The following COL26A1 variants were observed in gnomAD, a reference collection of about 807,000 sequenced individuals.
COL26A1 encodes collagen alpha-1(XXVI) chain.
A neutral mutation model predicts 59.3 loss-of-function variants in COL26A1; 41 were observed. The ratio of observed to expected loss-of-function variants is 0.69; its 90% CI spans 0.54 to 0.90. COL26A1 has a LOEUF of 0.90. Ranked by LOEUF, COL26A1 falls within the 40% of genes least tolerant of loss-of-function variation. The pLI is 0.00. For missense variants in COL26A1, 612 were observed against 602.3 expected, an observed-to-expected ratio of 1.02 and a Z score of -0.17; for synonymous variants, 266 against 256.0, an observed-to-expected ratio of 1.04 and a Z score of -0.37.
At position 101,555,903 on chromosome 7, in the gene COL26A1, ATC is replaced by A. The variant is rs761069102; in HGVS notation, c.1165+39_1165+40del. ...AGTGACCAGGATCAGCGGGCTGGGAATCTCTCTCCCCTCCTTCCTCTCCCAAT... is the reference window on the plus strand; with the variant it reads ...AGTGACCAGGATCAGCGGGCTGGGAATCTCTCCCCTCCTTCCTCTCCCAAT... On this transcript the variant is annotated intron_variant, in intron 12 of 12. Transcript: ENST00000313669. The A allele has an allele frequency of 2.7e-5, 42 of 1,541,508 alleles. No homozygotes were observed. The African/African-American group carries it at 4.0e-4, about 15-fold the overall frequency.
intron 3 of COL26A1, among the ~76,000 whole-genome samples, chr7:101,465,357 CAA>C (rs1310714590): frequency 6.6e-6 from 1 of 152,132 alleles, no homozygotes; most frequent in Admixed American, 6.6e-5. Context: ...ATCATTTTAA[CAA>C]AGAGTCATAG....
At chr7:101,535,397 C>T (rs1338507423) in intron 4 of COL26A1, among the ~76,000 whole-genome samples, 1 of 152,222 alleles carries the variant, frequency 6.6e-6, no homozygotes, top group Non-Finnish European at 1.5e-5. Context: ...CACAGAGCAG[C>T]AGCCCTGGCC....
intron 3 of COL26A1, among the ~76,000 whole-genome samples, chr7:101,471,571 G>GTTTTTTTT (rs71517177): frequency 1.2e-4 from 11 of 93,014 alleles, no homozygotes; most frequent in Middle Eastern, 7.2e-3. Context: ...GTTGTTGTTT[G>GTTTTTTTT]TTTTTTTTTT....
intron 1 of COL26A1, among the ~76,000 whole-genome samples, chr7:101,373,703 G>T (rs760534106): frequency 6.6e-6 from 1 of 152,112 alleles, no homozygotes; most frequent in Admixed American, 6.6e-5. Flanking sequence ...TAGAGGTCCC[G>T]CTTCTCCCTT....
chr7:101,556,598 A>AATGG (rs1387972107), intron 12 of COL26A1, among the ~76,000 whole-genome samples: 1 of 151,670 alleles, frequency 6.6e-6, no homozygotes, highest in East Asian at 1.9e-4. Flanking sequence ...TAGATGGATA[A>AATGG]ATGGATGGAT....
intron 1 of COL26A1, among the ~76,000 whole-genome samples, chr7:101,366,380 G>T (rs1022592261): frequency 3.3e-5 from 5 of 151,098 alleles, no homozygotes; most frequent in African/African-American, 9.7e-5. Flanking sequence ...TGTGTTTACC[G>T]GGGCTTGGCT....
At chr7:101,531,892 G>C (rs570413336) in intron 3 of COL26A1, among the ~76,000 whole-genome samples, 2 of 152,062 alleles carry the variant, frequency 1.3e-5, no homozygotes, top group Non-Finnish European at 2.9e-5. Context: ...TGGACTGTGC[G>C]TGTGGGCTGC....
chr7:101,447,649 G>C, intron 2 of COL26A1, 35 bp from the exon 3 acceptor site: 8 of 1,400,950 alleles, frequency 5.7e-6, no homozygotes, highest in Non-Finnish European at 7.9e-6. Context: ...GGGTGGGTGG[G>C]AGCTCATGCC....
At chr7:101,465,595 A>G (rs35671357) in intron 3 of COL26A1, among the ~76,000 whole-genome samples, 76,904 of 151,216 alleles carry the variant, frequency 0.51, 20,271 homozygotes, top group African/African-American at 0.64. Context: ...TGGGGAGGCC[A>G]AGGCAGGAGA....
intron 12 of COL26A1, among the ~76,000 whole-genome samples, chr7:101,556,509 T>G (rs1017052421): frequency 6.7e-6 from 1 of 150,278 alleles, no homozygotes; most frequent in African/African-American, 2.5e-5. Flanking sequence ...ATGAATGAAT[T>G]GTTGAATGGA....
chr7:101,393,047 G>T (rs1157713577), intron 1 of COL26A1, among the ~76,000 whole-genome samples: 7 of 149,852 alleles, frequency 4.7e-5, no homozygotes, highest in African/African-American at 1.7e-4. Context: ...CTATTGCCCA[G>T]GCTGGAGTGC....
In COL26A1 at chr7:101,480,026, T is replaced by A. The variant is rs7792499; in HGVS notation, c.385+32239T>A. 8.7e-3 allele frequency among the ~76,000 whole-genome samples: 1,325 copies of A among 152,202 alleles called. 16 individuals are homozygous for A. Among genetic ancestry groups the A allele is most frequent in the African/African-American group, 0.031 (1,277 of 41,552 alleles). Reference sequence around the variant, plus strand: ...TTTTAAGAGTCAGGGTCTCACTAGTTTTTCCAGACTGTTCTTGAACTCCTG... The same window carrying A: ...TTTTAAGAGTCAGGGTCTCACTAGTATTTCCAGACTGTTCTTGAACTCCTG... On this transcript the variant is annotated intron_variant, in intron 3 of 12. Coordinates refer to ENST00000313669, the MANE Select transcript of COL26A1 (RefSeq NM_001278563.3).
intron 3 of COL26A1, among the ~76,000 whole-genome samples, chr7:101,449,831 G>T (rs1329332821): frequency 6.6e-6 from 1 of 151,898 alleles, no homozygotes; most frequent in East Asian, 1.9e-4. Flanking sequence ...ACAGCAAAAA[G>T]ATACAGATTA....
At chr7:101,533,055 C>T (rs369067942) in intron 3 of COL26A1, 27 bp from the exon 4 acceptor site, 2 of 1,575,326 alleles carry the variant, frequency 1.3e-6, no homozygotes, top group African/African-American at 1.3e-5. Flanking sequence ...ACACTCTGCT[C>T]TCATATAAGT....
At chr7:101,531,709 GA>G (rs1795372168) in intron 3 of COL26A1, among the ~76,000 whole-genome samples, 1 of 151,994 alleles carries the variant, frequency 6.6e-6, no homozygotes, top group South Asian at 2.1e-4. Context: ...AGGGTCCTGA[GA>G]CTCCCCCCAA....
At chr7:101,522,741 A>C (rs1795163456) in intron 3 of COL26A1, among the ~76,000 whole-genome samples, 1 of 152,146 alleles carries the variant, frequency 6.6e-6, no homozygotes, top group African/African-American at 2.4e-5. Context: ...GGGTTTTAAA[A>C]GTGGTTGTAC....
intron 2 of COL26A1, among the ~76,000 whole-genome samples, chr7:101,421,200 G>A (rs981356930): frequency 6.6e-6 from 1 of 152,176 alleles, no homozygotes; most frequent in African/African-American, 2.4e-5. Flanking sequence ...AACCTGCAGG[G>A]TGGGCTGGCT....
At chr7:101,482,235 T>A (rs923848083) in intron 3 of COL26A1, among the ~76,000 whole-genome samples, 1 of 152,214 alleles carries the variant, frequency 6.6e-6, no homozygotes, top group Non-Finnish European at 1.5e-5. Context: ...CTCTAACTAC[T>A]GACCTCAAGG....
intron 3 of COL26A1, among the ~76,000 whole-genome samples, chr7:101,475,838 CTCTT>C (rs1475399183): frequency 1.4e-4 from 20 of 147,164 alleles, no homozygotes; most frequent in South Asian, 6.4e-4. Context: ...TTCTCTCTCT[CTCTT>C]TCTTTCTCTC....
Sources: allele counts gnomAD v4.1 joint callset (sites outside exome capture counted in the v4.1 genomes callset), GRCh38; gene constraint gnomAD v4.1.1; transcripts MANE v1.5; gene names NCBI Gene and HGNC (gene_info 2026-07-23, HGNC 2026-07-21).